Variants in LHFPL3 observed in about 807,000 individuals in gnomAD.
LHFPL3 encodes LHFPL tetraspan subfamily member 3 protein.
Under a neutral mutation model 19.3 loss-of-function variants are expected in LHFPL3, and 5 were observed. The ratio of observed to expected loss-of-function variants is 0.26; its 90% CI spans 0.14 to 0.54. LHFPL3 has a LOEUF of 0.54. Ranked by LOEUF, LHFPL3 falls within the 20% of genes least tolerant of loss-of-function variation. The pLI is 0.94. For missense variants in LHFPL3, 249 were observed against 307.4 expected (o/e 0.81, Z 1.42); for synonymous variants, 133 against 126.2 (o/e 1.05, Z -0.36).
chr7:104,781,666 T>C (rs924680895), intron 2 of LHFPL3, among the ~76,000 whole-genome samples: 3 of 152,184 alleles, frequency 2.0e-5, no homozygotes, highest in South Asian at 2.1e-4. Flanking sequence ...TACCTTCTCA[T>C]TGCAAACCAT....
chr7:104,904,316 T>G (rs1792553300), intron 2 of LHFPL3, among the ~76,000 whole-genome samples: 1 of 152,156 alleles, frequency 6.6e-6, no homozygotes, highest in African/African-American at 2.4e-5. Flanking sequence ...TAGCACACAT[T>G]CAGAAACCAT....
intron 1 of LHFPL3, among the ~76,000 whole-genome samples, chr7:104,505,597 T>G (rs116985829): frequency 6.6e-6 from 1 of 152,136 alleles, no homozygotes; most frequent in East Asian, 1.9e-4. Flanking sequence ...AAAAAAAAAA[T>G]TTAAACTCTT....
At chr7:104,538,456 C>T (rs980242737) in intron 1 of LHFPL3, among the ~76,000 whole-genome samples, 5 of 152,156 alleles carry the variant, frequency 3.3e-5, no homozygotes, top group Non-Finnish European at 5.9e-5. Context: ...GCCATACATT[C>T]ACTGGATGTT....
At chr7:104,879,196 C>T (rs752714791) in intron 2 of LHFPL3, among the ~76,000 whole-genome samples, 2 of 152,148 alleles carry the variant, frequency 1.3e-5, no homozygotes, top group African/African-American at 2.4e-5. Context: ...GTGGGCAGAT[C>T]ACTGGAATCC....
At chr7:104,601,702 C>G (rs1790970720) in intron 1 of LHFPL3, among the ~76,000 whole-genome samples, 1 of 152,134 alleles carries the variant, frequency 6.6e-6, no homozygotes, top group South Asian at 2.1e-4. Context: ...ACAAAGACAC[C>G]AACCACAAAC....
At chr7:104,520,754 T>C (rs1187024667) in intron 1 of LHFPL3, among the ~76,000 whole-genome samples, 10 of 135,160 alleles carry the variant, frequency 7.4e-5, no homozygotes, top group African/African-American at 1.9e-4. Flanking sequence ...TGTAGTATTC[T>C]CTGATGGTAG....
intron 1 of LHFPL3, among the ~76,000 whole-genome samples, chr7:104,462,122 T>C (rs1185696199): frequency 6.6e-6 from 1 of 152,244 alleles, no homozygotes; most frequent in African/African-American, 2.4e-5. Flanking sequence ...AAGTTGTTTA[T>C]CAGCTGAAAG....
In LHFPL3 at chr7:104,720,312, T is replaced by C. The variant is rs996302037; in HGVS notation, c.446-16363T>C. Among the ~76,000 whole-genome samples, 45 of 152,158 alleles carry C rather than the reference T, an allele frequency of 3.0e-4. 1 individual carries two copies. Among genetic ancestry groups the C allele is most frequent in the Admixed American group, 1.4e-3 (22 of 15,248 alleles). ...GGGAAAGGATTCCCTATTTAATAAA[T>C]GGTGCTGGGAAAACTGGCTAGCCAT... On this transcript the variant is annotated intron_variant, in intron 1 of 2. Coordinates refer to ENST00000424859, the MANE Select transcript of LHFPL3 (RefSeq NM_199000.3).
Position 104,906,184 on chromosome 7 carries a change from C to G in LHFPL3, c.683-3C>G. On this transcript the variant is annotated splice_polypyrimidine_tract_variant and splice_region_variant and intron_variant, in intron 2 of 2. Coordinates refer to ENST00000424859, the MANE Select transcript of LHFPL3 (RefSeq NM_199000.3). ...TTCTCTCTCTTCCCTCCAATTTCTG[C>G]AGTTCTGCTAAGCCAATATTCTCTA... 1 of 1,610,030 alleles carries G rather than the reference C, an allele frequency of 6.2e-7. No individual in the cohort carries two copies. The highest frequency in any genetic ancestry group is 8.5e-7 in the Non-Finnish European group (1 of 1,177,996).
intron 2 of LHFPL3, among the ~76,000 whole-genome samples, chr7:104,813,162 C>T (rs1790505484): frequency 6.6e-6 from 1 of 151,880 alleles, no homozygotes; most frequent in Non-Finnish European, 1.5e-5. Context: ...ACTGTGGTGC[C>T]AGCTACTGGG....
intron 1 of LHFPL3, among the ~76,000 whole-genome samples, chr7:104,593,943 C>A (rs1446778668): frequency 1.3e-5 from 2 of 152,110 alleles, no homozygotes; most frequent in Non-Finnish European, 2.9e-5. Flanking sequence ...TGCGTCTTTG[C>A]ACGTGAAATG....
At chr7:104,894,688 T>G (rs1295775597) in intron 2 of LHFPL3, 1 of 152,234 alleles carries the variant, frequency 6.6e-6, no homozygotes, top group Non-Finnish European at 1.5e-5. Flanking sequence ...CAGGGAGGTC[T>G]AAGAAACTGC....
At chr7:104,633,591 TC>T (rs1791681195) in intron 1 of LHFPL3, among the ~76,000 whole-genome samples, 1 of 152,224 alleles carries the variant, frequency 6.6e-6, no homozygotes. Context: ...TTGTACAGCT[TC>T]CTTCCTAAAA....
rs138582882 is a variant in LHFPL3, at chr7:104,497,803, C to T, written c.445+168579C>T. Reference sequence around the variant, plus strand: ...ATTTCCAGTGCTACTGTGGAAGGCACCAGATACCTGGAGTGGGTAGAGAGG... The same window carrying T: ...ATTTCCAGTGCTACTGTGGAAGGCATCAGATACCTGGAGTGGGTAGAGAGG... On this transcript the variant is annotated intron_variant, in intron 1 of 2. Coordinates refer to ENST00000424859, the MANE Select transcript of LHFPL3 (RefSeq NM_199000.3). Among the ~76,000 whole-genome samples, 556 of 152,226 alleles carry T rather than the reference C, an allele frequency of 3.7e-3. 4 individuals carry two copies. Among genetic ancestry groups the T allele is most frequent in the Middle Eastern group, 0.01 (3 of 294 alleles).
chr7:104,432,268 AG>A (rs915215257), intron 1 of LHFPL3, among the ~76,000 whole-genome samples: 4 of 151,984 alleles, frequency 2.6e-5, no homozygotes, highest in Admixed American at 1.3e-4. Context: ...TAGTTTCTTC[AG>A]GGTTGATTTT....
At chr7:104,705,347 G>A (rs756588649) in intron 1 of LHFPL3, among the ~76,000 whole-genome samples, 10 of 151,784 alleles carry the variant, frequency 6.6e-5, no homozygotes, top group East Asian at 1.9e-4. Flanking sequence ...GATTTTGTTC[G>A]TTATTTGTTC....
At chr7:104,691,998 A>T (rs1792914194) in intron 1 of LHFPL3, among the ~76,000 whole-genome samples, 1 of 152,218 alleles carries the variant, frequency 6.6e-6, no homozygotes, top group South Asian at 2.1e-4. Flanking sequence ...AACTGGAGCA[A>T]AGGTGACTCT....
At chr7:104,627,753 A>G (rs1547978) in intron 1 of LHFPL3, among the ~76,000 whole-genome samples, 40,582 of 152,106 alleles carry the variant, frequency 0.27, 5,791 homozygotes, top group African/African-American at 0.37. Context: ...AGTTCCTTGC[A>G]CACTGTAGCT....
At chr7:104,418,638 A>G (rs1285722812) in intron 1 of LHFPL3, among the ~76,000 whole-genome samples, 1 of 152,238 alleles carries the variant, frequency 6.6e-6, no homozygotes, top group Non-Finnish European at 1.5e-5. Flanking sequence ...GTTTCCTAAA[A>G]GAGATACAAG....
Sources: gnomAD v4.1 joint callset for allele counts (sites outside exome capture counted in the v4.1 genomes callset) on GRCh38, gnomAD v4.1.1 for gene constraint, MANE v1.5 for transcripts, NCBI Gene and HGNC (gene_info 2026-07-23, HGNC 2026-07-21) for gene names.